Variants in PCLO observed in about 807,000 individuals in gnomAD.
PCLO encodes the protein protein piccolo.
A neutral mutation model predicts 427.5 loss-of-function variants in PCLO; 82 were observed. That is an observed-to-expected ratio of 0.19 (90% CI 0.16 to 0.23). PCLO has a LOEUF of 0.23. Among genes scored for constraint, PCLO ranks in the 10% least tolerant of loss-of-function variants. The pLI is 1.00. For synonymous variants in PCLO, 2,357 were observed against 2,155.4 expected (o/e 1.09, Z -2.59); for missense variants, 6,239 against 6,115.9 (o/e 1.02, Z -0.67).
chr7:83,127,962 T>C (rs1056535372), intron 3 of PCLO, among the ~76,000 whole-genome samples: 1 of 152,030 alleles, frequency 6.6e-6, no homozygotes, highest in Non-Finnish European at 1.5e-5. Flanking sequence ...CTGTAGACCA[T>C]ATAAAAAATA....
chr7:83,148,004 T>C (rs920264779), intron 2 of PCLO, among the ~76,000 whole-genome samples: 2 of 152,186 alleles, frequency 1.3e-5, no homozygotes, highest in African/African-American at 4.8e-5. Context: ...ATTATACTAT[T>C]ATCTGTTTTT....
intron 3 of PCLO, among the ~76,000 whole-genome samples, chr7:83,047,639 C>G (rs1789136123): frequency 2.6e-5 from 4 of 151,978 alleles, no homozygotes; most frequent in African/African-American, 9.7e-5. Flanking sequence ...AGTAACAACT[C>G]TCACTTACTG....
intron 3 of PCLO, among the ~76,000 whole-genome samples, chr7:83,035,419 GA>G (rs1193058543): frequency 6.6e-6 from 1 of 152,092 alleles, no homozygotes; most frequent in Admixed American, 6.6e-5. Flanking sequence ...TGACAGTTAT[GA>G]AAATAATCCT....
intron 3 of PCLO, among the ~76,000 whole-genome samples, chr7:83,019,961 G>C (rs1788301114): frequency 6.6e-6 from 1 of 152,092 alleles, no homozygotes. Context: ...AGTTAAATTT[G>C]CTTAGGAGAT....
intron 3 of PCLO, among the ~76,000 whole-genome samples, chr7:83,050,547 GCA>G (rs1260956134): frequency 3.3e-5 from 5 of 151,758 alleles, no homozygotes; most frequent in African/African-American, 1.2e-4. Flanking sequence ...CAAAATGTTA[GCA>G]AATCAAATCT....
intron 21 of PCLO, among the ~76,000 whole-genome samples, chr7:82,803,830 T>C (rs988413149): frequency 6.6e-6 from 1 of 152,154 alleles, no homozygotes; most frequent in Non-Finnish European, 1.5e-5. Flanking sequence ...AAAGTAAATA[T>C]TCGTTGTGCT....
At chr7:83,093,492 A>ATATATATATATATTTTTTTT in intron 3 of PCLO, among the ~76,000 whole-genome samples, 1 of 59,340 alleles carries the variant, frequency 1.7e-5, no homozygotes, top group African/African-American at 5.4e-5. Flanking sequence ...ATATATATAT[A>ATATATATATATATTTTTTTT]TTTTTTTTTT....
Position 82,949,483 on chromosome 7 carries a change from C to A in PCLO, c.11105G>T (p.Gly3702Val). The A allele has an allele frequency of 1.3e-6, 2 of 1,595,448 alleles. No individual in the cohort carries two copies. The highest frequency in any genetic ancestry group is 8.5e-7 in the Non-Finnish European group (1 of 1,171,084). The change falls in exon 6 of 25, where the codon GGC (glycine) becomes GTC (valine). Residue 3702 changes from glycine to valine, a missense_variant. Physicochemically the swap from Gly to Val is moderately radical, Grantham distance 109. This residue lies in a region of PCLO where 4,677 missense variants were observed against 4,468.4 expected (regional missense o/e 1.05). Coordinates refer to ENST00000333891, the MANE Select transcript of PCLO (RefSeq NM_033026.6). ...GAAAAGAATCACTCTTACCGTATAG[C>A]CCTCGGTATACTGAAAAGGAGCCCT... ...SSRAPFQYTE[G>V]YTTKGSQTMT... is the part of the protein sequence containing the mutation.
intron 7 of PCLO, among the ~76,000 whole-genome samples, chr7:82,909,814 G>A (rs1794278992): frequency 6.6e-6 from 1 of 151,948 alleles, no homozygotes; most frequent in African/African-American, 2.4e-5. Flanking sequence ...TTTTTTAAGA[G>A]AAGCACTGAT....
chr7:82,853,012 A>G (rs902976625), intron 10 of PCLO, among the ~76,000 whole-genome samples: 1 of 151,912 alleles, frequency 6.6e-6, no homozygotes, highest in Non-Finnish European at 1.5e-5. Context: ...TAACATAATG[A>G]CCTCCAATTC....
chr7:82,857,155 T>C (rs1240310058), intron 10 of PCLO, among the ~76,000 whole-genome samples: 1 of 152,150 alleles, frequency 6.6e-6, no homozygotes, highest in East Asian at 1.9e-4. Context: ...TATTCTCTCA[T>C]AGTAGCAGAA....
In PCLO at chr7:82,955,473, G is replaced by T. The variant is rs750774752; in HGVS notation, c.5480C>A (p.Pro1827His). 3.7e-6 allele frequency: 6 copies of T among 1,613,688 alleles called. No homozygotes were observed. Among genetic ancestry groups the T allele is most frequent in the Non-Finnish European group, 4.2e-6 (5 of 1,179,808 alleles). ...ATCTTCAATGGGAGAGAGATTACTAGGTGGTGTCTTTGGCCTTTCCCTTCT... is the reference window on the plus strand; with the variant it reads ...ATCTTCAATGGGAGAGAGATTACTATGTGGTGTCTTTGGCCTTTCCCTTCT... The part of the protein sequence containing the change: ...QRRRERPKTP[P>H]SNLSPIEDAS... The change falls in exon 5 of 25, where the codon CCT (proline) becomes CAT (histidine). Residue 1827 changes from proline (P) to histidine (H), a missense_variant. Pro to His is a moderately conservative substitution (Grantham distance 77). This residue lies in a region of PCLO where 4,677 missense variants were observed against 4,468.4 expected (regional missense o/e 1.05). Coordinates refer to ENST00000333891, the MANE Select transcript of PCLO (RefSeq NM_033026.6).
At chr7:82,982,317 G>C (rs1796164473) in intron 3 of PCLO, among the ~76,000 whole-genome samples, 1 of 152,062 alleles carries the variant, frequency 6.6e-6, no homozygotes, top group Admixed American at 6.6e-5. Flanking sequence ...ATAGAGTGGG[G>C]GATGAGACTC....
chr7:83,148,947 G>A (rs1400361077), intron 2 of PCLO, among the ~76,000 whole-genome samples: 1 of 152,104 alleles, frequency 6.6e-6, no homozygotes, highest in Admixed American at 6.5e-5. Flanking sequence ...TTACTCTGAT[G>A]GTAATAGTTC....
At chr7:83,052,130 A>T (rs911986114) in intron 3 of PCLO, among the ~76,000 whole-genome samples, 2 of 152,046 alleles carry the variant, frequency 1.3e-5, no homozygotes, top group Admixed American at 1.3e-4. Context: ...TTTGGAGATG[A>T]TATTTTAAAT....
intron 13 of PCLO, among the ~76,000 whole-genome samples, chr7:82,844,165 TATTA>T (rs1792440086): frequency 6.6e-6 from 1 of 152,178 alleles, no homozygotes; most frequent in Admixed American, 6.5e-5. Flanking sequence ...CAGAATTTAG[TATTA>T]ATTATGTTGG....
At chr7:83,009,826 G>T (rs1009898319) in intron 3 of PCLO, among the ~76,000 whole-genome samples, 1 of 151,952 alleles carries the variant, frequency 6.6e-6, no homozygotes, top group East Asian at 1.9e-4. Context: ...ATGTTTAAAA[G>T]CATTCTCTAA....
chr7:83,142,651 T>C (rs770081316), intron 2 of PCLO, among the ~76,000 whole-genome samples: 5 of 152,172 alleles, frequency 3.3e-5, no homozygotes, highest in Non-Finnish European at 7.4e-5. Flanking sequence ...TGTCTCCTCA[T>C]ATAAACTTTT....
Position 82,949,548 on chromosome 7 carries a change from A to C in PCLO, c.11040T>G (p.Ser3680=), listed in dbSNP as rs1383839314. 5.0e-6 allele frequency: 8 copies of C among 1,613,732 alleles called. No homozygotes were observed. The African/African-American group carries it at 1.1e-4, about 22-fold the overall frequency. The change falls in exon 6 of 25, where the codon TCT becomes TCG. Residue 3680 remains serine, a synonymous_variant. Coordinates refer to ENST00000333891, the MANE Select transcript of PCLO (RefSeq NM_033026.6). ...CTGTTGGACTCAGAGGCTTGGGGTC[A>C]GACATAGAACGCTGCATCATCTTGG... ...KTAKMMQRSM[S]DPKPLSPTAD...
Sources: gnomAD v4.1 joint callset for allele counts (sites outside exome capture counted in the v4.1 genomes callset) on GRCh38, gnomAD v4.1.1 for gene constraint, gnomAD v4.1.1 regional missense constraint, MANE v1.5 for transcripts, NCBI Gene and HGNC (gene_info 2026-07-23, HGNC 2026-07-21) for gene names.